Variants in GABRA4 observed in about 807,000 individuals in gnomAD.
GABRA4 encodes the protein gamma-aminobutyric acid type A receptor subunit alpha4, also known as gamma-aminobutyric acid receptor subunit alpha-4.
A neutral mutation model predicts 49.7 loss-of-function variants in GABRA4; 12 were observed. That is an observed-to-expected ratio of 0.24 (90% CI 0.15 to 0.39). The LOEUF (loss-of-function observed/expected upper bound fraction) is 0.39, where lower values mean the gene tolerates loss of function less well. Ranked by LOEUF, GABRA4 falls within the 10% of genes least tolerant of loss-of-function variation. The pLI is 1.00. For synonymous variants in GABRA4, 288 were observed against 240.2 expected (o/e 1.20, Z -1.84); for missense variants, 506 against 686.0 (o/e 0.74, Z 2.93).
rs1414430712 is a variant in GABRA4 at position 46,993,512 on chromosome 4, T to C, written c.-88A>G. Reference sequence around the variant, plus strand: ...GGGTGCGAGGAGAGGGCAGAGAGGCTCCCGCGGCGTGCGCACACTCGCGCT... The same window carrying C: ...GGGTGCGAGGAGAGGGCAGAGAGGCCCCCGCGGCGTGCGCACACTCGCGCT... On this transcript the variant is annotated 5_prime_UTR_variant, in exon 1 of 9. Coordinates refer to ENST00000264318, the MANE Select transcript of GABRA4 (RefSeq NM_000809.4). 1.4e-6 allele frequency: 2 copies of C among 1,380,926 alleles called. No individual in the cohort carries two copies. Among genetic ancestry groups the C allele is most frequent in the East Asian group, 2.4e-5 (1 of 42,254 alleles). 85.5% of individuals were successfully genotyped at this position (1,380,926 alleles called of 1,614,324 possible).
intron 5 of GABRA4, 22 bp from the exon 6 acceptor site, chr4:46,974,397 G>A (rs1723063281): frequency 6.3e-7 from 1 of 1,596,250 alleles, no homozygotes; most frequent in South Asian, 1.1e-5. Flanking sequence ...CACAGAATGT[G>A]GTTAGAGTCA....
intron 2 of GABRA4, among the ~76,000 whole-genome samples, chr4:46,985,393 T>A (rs530203219): frequency 6.6e-6 from 1 of 152,004 alleles, no homozygotes; most frequent in Non-Finnish European, 1.5e-5. Context: ...TTAACTGGTA[T>A]GTTTATTATA....
intron 2 of GABRA4, among the ~76,000 whole-genome samples, chr4:46,986,052 T>G (rs1033139731): frequency 1.3e-5 from 2 of 152,146 alleles, no homozygotes; most frequent in Non-Finnish European, 2.9e-5. Flanking sequence ...ACGGTACCTC[T>G]GATTCTTCTT....
chr4:46,944,425 C>T (rs1168381911), intron 8 of GABRA4, among the ~76,000 whole-genome samples: 1 of 152,114 alleles, frequency 6.6e-6, no homozygotes, highest in Non-Finnish European at 1.5e-5. Context: ...TCATTAATGA[C>T]ACTTGATTGG....
At chr4:46,950,551 T>C (rs986305664) in intron 8 of GABRA4, among the ~76,000 whole-genome samples, 4 of 151,782 alleles carry the variant, frequency 2.6e-5, no homozygotes, top group Admixed American at 2.6e-4. Flanking sequence ...TCTAGCAAAA[T>C]GGCATTTTCT....
chr4:46,966,924 A>G (rs775129301), intron 7 of GABRA4, among the ~76,000 whole-genome samples: 3 of 151,748 alleles, frequency 2.0e-5, no homozygotes, highest in Non-Finnish European at 2.9e-5. Flanking sequence ...AAAATGCTAT[A>G]TTGTGAATTT....
In GABRA4 at chr4:46,936,851, T is replaced by C. The variant is rs571111075; in HGVS notation, c.1135-8096A>G. Among the ~76,000 whole-genome samples the C allele has an allele frequency of 5.9e-5, 9 of 152,264 alleles. No homozygotes were observed. The South Asian group carries it at 1.7e-3, about 28-fold the overall frequency. ...TTATCTCTTATGTCAATTATAGTAG[T>C]CAAAAGGACTTTCTTCAACATATAA... On this transcript the variant is annotated intron_variant, in intron 8 of 8. Coordinates refer to ENST00000264318, the MANE Select transcript of GABRA4 (RefSeq NM_000809.4).
In GABRA4 at chr4:46,977,128, C is replaced by T. The variant is rs556582200; in HGVS notation, c.510G>A (p.Ala170=). Residue 170 remains alanine, a synonymous_variant, in exon 5 of 9, where the codon GCG becomes GCA. Transcript: ENST00000264318. ...AATCCACCAATCTCATGGGACACTC[C>T]GCACTTATGGTGAGTCTATGATGAA... is the stretch of plus-strand genomic sequence containing the variant. ...ILYTMRLTIS[A]ECPMRLVDFP... The T allele has an allele frequency of 3.6e-5, 57 of 1,605,318 alleles. No individual in the cohort carries two copies. The highest frequency in any genetic ancestry group is 9.0e-5 in the East Asian group (4 of 44,604).
At chr4:46,957,311 T>G (rs1166383705) in intron 8 of GABRA4, among the ~76,000 whole-genome samples, 1 of 151,900 alleles carries the variant, frequency 6.6e-6, no homozygotes, top group Non-Finnish European at 1.5e-5. Context: ...GTACTTGAAT[T>G]ATTATTTATA....
chr4:46,947,755 G>A (rs1722030616), intron 8 of GABRA4, among the ~76,000 whole-genome samples: 1 of 152,054 alleles, frequency 6.6e-6, no homozygotes, highest in African/African-American at 2.4e-5. Flanking sequence ...GGTTGTATGT[G>A]ACTTAAAAGC....
In GABRA4 at chr4:46,979,238, T is replaced by C. The variant is rs1366169271; in HGVS notation, c.206-140A>G. The C allele has an allele frequency of 6.6e-6, 4 of 607,680 alleles. No individual in the cohort carries two copies. In the Admixed American group the frequency reaches 1.3e-4, roughly 20 times the overall value. 37.6% of individuals were successfully genotyped at this position (607,680 alleles called of 1,614,324 possible). On this transcript the variant is annotated intron_variant, in intron 2 of 8. Coordinates refer to ENST00000264318, the MANE Select transcript of GABRA4 (RefSeq NM_000809.4). Reference sequence around the variant, plus strand: ...CTTACATTTTCAGTGAGATAATGAATCTCTACAAAACAAATGTAGACCAAA... The same window carrying C: ...CTTACATTTTCAGTGAGATAATGAACCTCTACAAAACAAATGTAGACCAAA...
chr4:46,989,967 A>C (rs1723685355), intron 2 of GABRA4, among the ~76,000 whole-genome samples: 1 of 152,232 alleles, frequency 6.6e-6, no homozygotes, highest in Admixed American at 6.5e-5. Flanking sequence ...AGTGGTACAC[A>C]TTTACAACTT....
intron 6 of GABRA4, among the ~76,000 whole-genome samples, 158 bp from the exon 7 acceptor site, chr4:46,971,393 G>A (rs1393600655): frequency 2.0e-5 from 3 of 151,464 alleles, no homozygotes; most frequent in African/African-American, 4.8e-5. Context: ...GTTTCCTAAC[G>A]AGGGAGAAAA....
intron 8 of GABRA4, among the ~76,000 whole-genome samples, chr4:46,936,227 C>G (rs1042564072): frequency 1.3e-5 from 2 of 152,122 alleles, no homozygotes; most frequent in African/African-American, 4.8e-5. Flanking sequence ...GTGTACTATT[C>G]TATCAGATCA....
At position 46,928,652 on chromosome 4, in the gene GABRA4, G is replaced by A. The variant is rs775449591; in HGVS notation, c.1238C>T (p.Ser413Phe). 2 of 1,613,670 alleles carry A rather than the reference G, an allele frequency of 1.2e-6. No homozygotes were observed. ...AGAAGATTCTTGAACAACTGTGGAA[G>A]ATTTGCTTGAATGGTTTCCCACCTC... is the stretch of plus-strand genomic sequence containing the variant. Reference protein sequence around the residue: ...RTEVGNHSSKSSTVVQESSKG... With the variant: ...RTEVGNHSSKFSTVVQESSKG... The change falls in exon 9 of 9, where the codon TCT (serine) becomes TTT (phenylalanine). Residue 413 changes from serine to phenylalanine, a missense_variant. Coordinates refer to ENST00000264318, the MANE Select transcript of GABRA4 (RefSeq NM_000809.4).
intron 8 of GABRA4, among the ~76,000 whole-genome samples, chr4:46,930,925 T>C (rs1360039083): frequency 6.8e-6 from 1 of 147,760 alleles, no homozygotes; most frequent in Non-Finnish European, 1.5e-5. Flanking sequence ...TTGAGAGAGT[T>C]GCCATGCTGT....
rs1368473266 is a variant in GABRA4 at position 46,971,320 on chromosome 4, A to G, written c.722-85T>C. On this transcript the variant is annotated intron_variant, in intron 6 of 8. Transcript: ENST00000264318. ...TCATAAACATATTTCAGACTAACAAACAGGATTCTAAGGAAAGAAATTCTC... is the reference window on the plus strand; with the variant it reads ...TCATAAACATATTTCAGACTAACAAGCAGGATTCTAAGGAAAGAAATTCTC... 7.3e-6 allele frequency: 9 copies of G among 1,230,568 alleles called. No individual in the cohort carries two copies. In the Admixed American group the frequency reaches 8.0e-5, roughly 11 times the overall value. 76.2% of individuals were successfully genotyped at this position (1,230,568 alleles called of 1,614,324 possible).
intron 6 of GABRA4, among the ~76,000 whole-genome samples, chr4:46,973,115 G>A (rs541081492): frequency 6.6e-6 from 1 of 151,798 alleles, no homozygotes; most frequent in South Asian, 2.1e-4. Flanking sequence ...CCACTTCATG[G>A]GATGGTTATG....
At chr4:46,929,095 T>A (rs1451811001) in intron 8 of GABRA4, among the ~76,000 whole-genome samples, 1 of 151,990 alleles carries the variant, frequency 6.6e-6, no homozygotes, top group Non-Finnish European at 1.5e-5. Context: ...GCTGTAAAAG[T>A]TATTTGTTTA....
Sources: allele counts gnomAD v4.1 joint callset (sites outside exome capture counted in the v4.1 genomes callset), GRCh38; gene constraint gnomAD v4.1.1; transcripts MANE v1.5; gene names NCBI Gene and HGNC (gene_info 2026-07-23, HGNC 2026-07-21).